Variants in POLR1A observed in about 807,000 individuals in gnomAD.
POLR1A encodes RNA polymerase I subunit A, also known as DNA-directed RNA polymerase I subunit RPA1.
A neutral mutation model predicts 205.3 loss-of-function variants in POLR1A; 84 were observed. The ratio of observed to expected loss-of-function variants is 0.41; its 90% CI spans 0.34 to 0.49. The LOEUF is 0.49. Ranked by LOEUF, POLR1A falls within the 20% of genes least tolerant of loss-of-function variation. POLR1A has a pLI of 0.22. For synonymous variants in POLR1A, 799 were observed against 863.7 expected (o/e 0.93, Z 1.31); for missense variants, 1,645 against 2,204.5 (o/e 0.75, Z 5.08).
chr2:86,083,694 T>C (rs1673444220), intron 6 of POLR1A, among the ~76,000 whole-genome samples: 1 of 152,250 alleles, frequency 6.6e-6, no homozygotes, highest in Non-Finnish European at 1.5e-5. Flanking sequence ...CATATTTTGC[T>C]ATTATAAGTA....
Position 86,021,671 on chromosome 2 carries a change from A to G in POLR1A, c.*5752T>C, listed in dbSNP as rs1038371521. On this transcript the variant is annotated 3_prime_UTR_variant, in exon 34 of 34. Transcript: ENST00000263857. ...ACTGGCTTGTTTGGGGCAGAAGACT[A>G]CAAGTTCTGTGAGGGCAGGGCCCAC... The G allele has an allele frequency of 6.6e-6, 1 of 151,556 alleles. No individual in the cohort carries two copies. Among genetic ancestry groups the G allele is most frequent in the Non-Finnish European group, 1.5e-5 (1 of 68,026 alleles). The allele number at this position is 151,556 out of a possible 1,614,324, so 9.4% of individuals were successfully genotyped here.
intron 19 of POLR1A, 65 bp downstream of exon 19, chr2:86,047,100 C>T (rs1672722774): frequency 9.2e-7 from 1 of 1,088,232 alleles, no homozygotes; most frequent in Non-Finnish European, 1.4e-6. Context: ...CTGAAACCAC[C>T]TCCTGCTATC....
At chr2:86,093,366 T>C (rs1200428398) in intron 3 of POLR1A, among the ~76,000 whole-genome samples, 1 of 152,254 alleles carries the variant, frequency 6.6e-6, no homozygotes, top group Non-Finnish European at 1.5e-5. Context: ...AGTACACTGC[T>C]GATCTGATAT....
rs1404997894 is a variant in POLR1A, at chr2:86,075,850, A to G, written c.1381-590T>C. Among the ~76,000 whole-genome samples the G allele has an allele frequency of 2.0e-5, 3 of 152,204 alleles. No homozygotes were observed. In the East Asian group the frequency reaches 5.8e-4, roughly 29 times the overall value. ...TAAAACTTCATTTTCTTATCTGCCA[A>G]TAAATTCAAAGTTCCCAAAGGTGGC... is the stretch of plus-strand genomic sequence containing the variant. On this transcript the variant is annotated intron_variant, in intron 11 of 33. Coordinates refer to ENST00000263857, the MANE Select transcript of POLR1A (RefSeq NM_015425.6).
intron 4 of POLR1A, 47 bp downstream of exon 4, chr2:86,089,775 T>C (rs1350353880): frequency 8.5e-7 from 1 of 1,172,712 alleles, no homozygotes; most frequent in Non-Finnish European, 1.3e-6. Flanking sequence ...GGGAAAGTGA[T>C]AAAATGATGC....
At position 86,070,344 on chromosome 2, in the gene POLR1A, C is replaced by A. The variant is rs114516420; in HGVS notation, c.1612-72G>T. On this transcript the variant is annotated intron_variant, in intron 12 of 33. Coordinates refer to ENST00000263857, the MANE Select transcript of POLR1A (RefSeq NM_015425.6). The surrounding 1 kb of genome is among the most constrained non-coding windows in gnomAD (Gnocchi z 4.4). ...CACCACGGCTCTTTCCAAGTGCTCA[C>A]CTCAGCTTGACCAAGGTGTGGCTTT... The A allele has an allele frequency of 4.0e-6, 6 of 1,489,680 alleles. No individual in the cohort carries two copies. The African/African-American group carries it at 8.4e-5, about 21-fold the overall frequency. The allele number at this position is 1,489,680 out of a possible 1,614,324, so 92.3% of individuals were successfully genotyped here. A position where few individuals can be genotyped will look rare whatever the true frequency, so the allele number is the denominator to read the frequency against.
intron 19 of POLR1A, 106 bp downstream of exon 19, chr2:86,047,059 T>C: frequency 1.4e-6 from 1 of 713,432 alleles, no homozygotes; most frequent in Non-Finnish European, 2.5e-6. Flanking sequence ...CGCTTTCCTC[T>C]TTTTACTTGT....
At chr2:86,073,148 G>T (rs1420472743) in intron 12 of POLR1A, among the ~76,000 whole-genome samples, 3 of 150,560 alleles carry the variant, frequency 2.0e-5, no homozygotes, top group African/African-American at 7.3e-5. Context: ...GAAGCAAGCT[G>T]TGATTATACC....
intron 19 of POLR1A, 119 bp downstream of exon 19, chr2:86,047,046 A>G: frequency 1.5e-6 from 1 of 654,944 alleles, no homozygotes; most frequent in Non-Finnish European, 2.7e-6. Context: ...AGTGATTTCT[A>G]CACGCTTTCC....
intron 29 of POLR1A, 36 bp downstream of exon 29, chr2:86,032,236 G>T: frequency 2.9e-6 from 4 of 1,372,164 alleles, no homozygotes; most frequent in Non-Finnish European, 4.2e-6. Flanking sequence ...AGGGGGCTGG[G>T]ACCACAGCTC....
At chr2:86,097,321 G>A (rs796375513) in intron 3 of POLR1A, among the ~76,000 whole-genome samples, 3 of 148,562 alleles carry the variant, frequency 2.0e-5, no homozygotes, top group South Asian at 2.2e-4. Context: ...TAGCCACTAC[G>A]GGAAACATAT....
intron 27 of POLR1A, 21 bp downstream of exon 27, chr2:86,038,679 A>G: frequency 6.2e-7 from 1 of 1,611,322 alleles, no homozygotes. Flanking sequence ...GGTCAATGAC[A>G]ATCACAGCCT....
chr2:86,046,028 C>G (rs1465568981), intron 19 of POLR1A, among the ~76,000 whole-genome samples: 1 of 149,418 alleles, frequency 6.7e-6, no homozygotes, highest in Non-Finnish European at 1.5e-5. Flanking sequence ...AGAGCCATGT[C>G]TCAGAACCAT....
intron 3 of POLR1A, among the ~76,000 whole-genome samples, chr2:86,091,555 T>C (rs906457956): frequency 6.6e-6 from 1 of 152,216 alleles, no homozygotes; most frequent in Non-Finnish European, 1.5e-5. Context: ...AGGGTGATAG[T>C]TACTTTGTAT....
chr2:86,048,831 T>C, intron 18 of POLR1A, 53 bp downstream of exon 18: 1 of 1,532,382 alleles, frequency 6.5e-7, no homozygotes, highest in Non-Finnish European at 9.0e-7. Flanking sequence ...GTAATTTTTT[T>C]AAAAATCAGC....
intron 24 of POLR1A, among the ~76,000 whole-genome samples, chr2:86,041,369 G>A (rs946774896): frequency 7.4e-5 from 11 of 147,786 alleles, no homozygotes; most frequent in Admixed American, 1.3e-4. Flanking sequence ...GTGTGTGCGC[G>A]CGCGCGCTGA....
At chr2:86,055,358 C>A (rs1208035269) in intron 14 of POLR1A, among the ~76,000 whole-genome samples, 1 of 152,162 alleles carries the variant, frequency 6.6e-6, no homozygotes, top group Non-Finnish European at 1.5e-5. Context: ...TTTTCACCCA[C>A]GTGCACCAGG....
In POLR1A at chr2:86,047,395, G is replaced by A. The variant is rs536027299; in HGVS notation, c.2635-132C>T. 1.8e-4 allele frequency: 112 copies of A among 633,440 alleles called. No homozygotes were observed. The Admixed American group carries it at 2.4e-3, about 14-fold the overall frequency. 39.2% of individuals were successfully genotyped at this position (633,440 alleles called of 1,614,324 possible). A position where few individuals can be genotyped will look rare whatever the true frequency, so the allele number is the denominator to read the frequency against. On this transcript the variant is annotated intron_variant, in intron 18 of 33. Coordinates refer to ENST00000263857, the MANE Select transcript of POLR1A (RefSeq NM_015425.6). ...CAGACCTAAGTACCAAATCCCACTCGAGGTAAGAGAAAGCCTCATTCAGCA... is the reference window on the plus strand; with the variant it reads ...CAGACCTAAGTACCAAATCCCACTCAAGGTAAGAGAAAGCCTCATTCAGCA...
rs1421614168 is a variant in POLR1A at position 86,028,139 on chromosome 2, C to T, written c.4898-90G>A. The T allele has an allele frequency of 1.6e-6, 2 of 1,265,810 alleles. No individual in the cohort carries two copies. The highest frequency in any genetic ancestry group is 1.5e-5 in the African/African-American group (1 of 68,214). The allele number at this position is 1,265,810 out of a possible 1,614,324, so 78.4% of individuals were successfully genotyped here. A position where few individuals can be genotyped will look rare whatever the true frequency, so the allele number is the denominator to read the frequency against. On this transcript the variant is annotated intron_variant, in intron 32 of 33. Transcript: ENST00000263857. This position sits in a 1 kb window ranked among gnomAD's most constrained non-coding sequence, Gnocchi z 4.5. ...AAGCCAAGCTGCCTCCACATCAGCA[C>T]ATGGCTTGGGAGTTAGACTCTGGGG... is the stretch of plus-strand genomic sequence containing the variant.
Sources: gnomAD v4.1 joint callset for allele counts (sites outside exome capture counted in the v4.1 genomes callset) on GRCh38, gnomAD v4.1.1 for gene constraint, Gnocchi (gnomAD v3.1) non-coding constraint, MANE v1.5 for transcripts, NCBI Gene and HGNC (gene_info 2026-07-23, HGNC 2026-07-21) for gene names.